Variants in PPP2R3A observed in about 807,000 individuals in gnomAD.
The protein encoded by PPP2R3A is protein phosphatase 2 regulatory subunit B''alpha.
In PPP2R3A, 80 loss-of-function variants were observed where a neutral mutation model predicts 106.9. The observed-to-expected ratio is 0.75, with a 90% CI of 0.62 to 0.90. The LOEUF (loss-of-function observed/expected upper bound fraction) is 0.90, where lower values mean the gene tolerates loss of function less well. PPP2R3A is among the 40% of genes least tolerant of loss of function. The pLI is 0.00. For synonymous variants in PPP2R3A, 483 were observed against 468.3 expected, an observed-to-expected ratio of 1.03 and a Z score of -0.41; for missense variants, 1,386 against 1,350.4, an observed-to-expected ratio of 1.03 and a Z score of -0.41.
At chr3:136,011,609 T>C (rs138658757) in intron 2 of PPP2R3A, among the ~76,000 whole-genome samples, 14 of 152,274 alleles carry the variant, frequency 9.2e-5, no homozygotes, top group African/African-American at 3.4e-4. Context: ...TCTTCAGAAA[T>C]TGGATAAAAT....
chr3:136,126,593 T>G (rs1238084332), intron 13 of PPP2R3A, among the ~76,000 whole-genome samples: 1 of 152,222 alleles, frequency 6.6e-6, no homozygotes, highest in African/African-American at 2.4e-5. Flanking sequence ...AGACAACTTC[T>G]GCAGACTTAA....
chr3:135,972,011 T>C (rs1243661940), intron 1 of PPP2R3A, among the ~76,000 whole-genome samples: 4 of 152,156 alleles, frequency 2.6e-5, no homozygotes, highest in African/African-American at 9.7e-5. Flanking sequence ...TTTTAAAGTG[T>C]ACAAATCAGT....
chr3:136,041,248 T>TG (rs1258425131), intron 4 of PPP2R3A, among the ~76,000 whole-genome samples: 2 of 64,952 alleles, frequency 3.1e-5, no homozygotes, highest in Non-Finnish European at 7.2e-5. Flanking sequence ...GTTTTTTTTT[T>TG]TGTTTTTTTT....
chr3:136,109,696 A>G (rs995526499), intron 13 of PPP2R3A, among the ~76,000 whole-genome samples: 5 of 152,232 alleles, frequency 3.3e-5, no homozygotes, highest in Admixed American at 3.3e-4. Flanking sequence ...TAGACTCAGC[A>G]TCTGAGTTAA....
chr3:136,109,079 A>C (rs921098076), intron 13 of PPP2R3A, among the ~76,000 whole-genome samples: 1 of 152,206 alleles, frequency 6.6e-6, no homozygotes, highest in African/African-American at 2.4e-5. Flanking sequence ...CTAAACAACT[A>C]TGGGCATTAA....
At position 136,069,269 on chromosome 3, in the gene PPP2R3A, A is replaced by C. The variant is rs146985418; in HGVS notation, c.2470-1209A>C. Among the ~76,000 whole-genome samples the C allele has an allele frequency of 3.1e-3, 466 of 152,274 alleles. 3 individuals carry two copies. The highest frequency in any genetic ancestry group is 0.011 in the African/African-American group (446 of 41,542). ...TTTTTCTATAATAATTTTTGTAAGT[A>C]TAAGATTATTTCCAAATAAAAAGTT... On this transcript the variant is annotated intron_variant, in intron 5 of 13. Transcript: ENST00000264977.
At chr3:136,117,023 AT>A (rs1202513691) in intron 13 of PPP2R3A, among the ~76,000 whole-genome samples, 1 of 152,226 alleles carries the variant, frequency 6.6e-6, no homozygotes, top group African/African-American at 2.4e-5. Context: ...AAGAACAGAA[AT>A]CACAACAAAC....
At chr3:135,974,814 A>G (rs1937366466) in intron 1 of PPP2R3A, among the ~76,000 whole-genome samples, 1 of 152,238 alleles carries the variant, frequency 6.6e-6, no homozygotes, top group African/African-American at 2.4e-5. Context: ...CCTCCAGTTG[A>G]AAAAGCAGCT....
chr3:136,021,687 A>G (rs1272567469), intron 2 of PPP2R3A, among the ~76,000 whole-genome samples: 1 of 152,172 alleles, frequency 6.6e-6, no homozygotes, highest in Non-Finnish European at 1.5e-5. Context: ...TTGAAAATAA[A>G]TATTGAAATC....
At chr3:136,079,218 A>G (rs1029983992) in intron 7 of PPP2R3A, 4 of 454,794 alleles carry the variant, frequency 8.8e-6, no homozygotes, top group African/African-American at 8.0e-5. Flanking sequence ...TCTAAAATGA[A>G]CAGTCATCAT....
intron 1 of PPP2R3A, among the ~76,000 whole-genome samples, chr3:135,994,994 G>T (rs930376591): frequency 3.3e-5 from 5 of 152,174 alleles, no homozygotes; most frequent in Non-Finnish European, 5.9e-5. Flanking sequence ...AGAGGCACTG[G>T]AAAGTATGTG....
At chr3:135,987,839 A>G (rs1466870016) in intron 1 of PPP2R3A, among the ~76,000 whole-genome samples, 4 of 152,184 alleles carry the variant, frequency 2.6e-5, no homozygotes, top group African/African-American at 4.8e-5. Context: ...AGTGGCTGCT[A>G]TTGCATGGTG....
At chr3:136,099,168 C>T (rs952735963) in intron 10 of PPP2R3A, among the ~76,000 whole-genome samples, 2 of 152,076 alleles carry the variant, frequency 1.3e-5, no homozygotes, top group South Asian at 4.1e-4. Context: ...CCTGAAGATT[C>T]GACACTGGGT....
intron 13 of PPP2R3A, among the ~76,000 whole-genome samples, chr3:136,134,224 C>G (rs1309948235): frequency 6.6e-6 from 1 of 152,170 alleles, no homozygotes; most frequent in Admixed American, 6.5e-5. Flanking sequence ...AGGCTTACTG[C>G]AGGAAGACAC....
At chr3:136,091,989 T>G (rs1007380515) in intron 10 of PPP2R3A, among the ~76,000 whole-genome samples, 6 of 152,164 alleles carry the variant, frequency 3.9e-5, no homozygotes, top group Admixed American at 3.9e-4. Context: ...CAGTGAGTAT[T>G]TCCTTTGAGT....
chr3:136,133,669 A>G (rs1938503231), intron 13 of PPP2R3A, among the ~76,000 whole-genome samples: 1 of 152,108 alleles, frequency 6.6e-6, no homozygotes, highest in Non-Finnish European at 1.5e-5. Flanking sequence ...CATTATTCCT[A>G]GTAGCTCAAA....
At chr3:136,014,226 T>C (rs781440768) in intron 2 of PPP2R3A, among the ~76,000 whole-genome samples, 1 of 152,128 alleles carries the variant, frequency 6.6e-6, no homozygotes, top group Admixed American at 6.5e-5. Flanking sequence ...TATAGCGATA[T>C]AGTATAGTTT....
chr3:136,136,244 T>C (rs1938620392), intron 13 of PPP2R3A, among the ~76,000 whole-genome samples: 1 of 151,902 alleles, frequency 6.6e-6, no homozygotes, highest in African/African-American at 2.4e-5. Context: ...CTGAGCTGTT[T>C]TAAGGATTAA....
chr3:135,991,109 C>A (rs1029965308), intron 1 of PPP2R3A, among the ~76,000 whole-genome samples: 2 of 152,138 alleles, frequency 1.3e-5, no homozygotes, highest in African/African-American at 4.8e-5. Context: ...TGGCAGATCC[C>A]CTCTCTGGTG....
Sources: gnomAD v4.1 joint callset for allele counts (sites outside exome capture counted in the v4.1 genomes callset) on GRCh38, gnomAD v4.1.1 for gene constraint, MANE v1.5 for transcripts, NCBI Gene and HGNC (gene_info 2026-07-23, HGNC 2026-07-21) for gene names.